GRIK2: variants seen among roughly 807,000 people sequenced by gnomAD.
GRIK2 encodes glutamate ionotropic receptor kainate type subunit 2.
A neutral mutation model predicts 100.3 loss-of-function variants in GRIK2; 32 were observed. The ratio of observed to expected loss-of-function variants is 0.32; its 90% CI spans 0.24 to 0.43. GRIK2 has a LOEUF of 0.43. GRIK2 is among the 20% of genes least tolerant of loss of function. GRIK2 has a pLI of 1.00. For synonymous variants in GRIK2, 417 were observed against 389.4 expected (o/e 1.07, Z -0.83); for missense variants, 843 against 1,114.9 (o/e 0.76, Z 3.47).
chr6:101,785,893 CTG>C (rs1257564617), intron 7 of GRIK2, among the ~76,000 whole-genome samples: 1 of 151,914 alleles, frequency 6.6e-6, no homozygotes, highest in African/African-American at 2.4e-5. Flanking sequence ...TGTGTTGAAT[CTG>C]TAGATTGTTT....
rs555820531 is a variant in GRIK2, at chr6:101,756,655, A to C, written c.952-42993A>C. On this transcript the variant is annotated intron_variant, in intron 7 of 16. Transcript: ENST00000369134. ...AAGTTTATAAGGGCTTGGTATAAAA[A>C]TAAACATTCAAGCGCTCTCTGAAAA... Among the ~76,000 whole-genome samples, 25 of 152,308 alleles carry C rather than the reference A, an allele frequency of 1.6e-4. 2 individuals carry two copies. Among genetic ancestry groups the C allele is most frequent in the African/African-American group, 6.0e-4 (25 of 41,572 alleles).
At chr6:101,943,483 A>G (rs559044125) in intron 14 of GRIK2, among the ~76,000 whole-genome samples, 9 of 152,310 alleles carry the variant, frequency 5.9e-5, no homozygotes, top group African/African-American at 2.2e-4. Flanking sequence ...TGGAAAAGCC[A>G]CAGACACTCA....
intron 2 of GRIK2, among the ~76,000 whole-genome samples, chr6:101,572,811 GTTTATTAT>G (rs1439424625): frequency 0.057 from 6,143 of 106,950 alleles, 491 homozygotes; most frequent in African/African-American, 0.18. Flanking sequence ...TGTTATTGTT[GTTTATTAT>G]TTATTTATTT....
chr6:101,853,181 A>C (rs933784369), intron 10 of GRIK2, among the ~76,000 whole-genome samples: 1 of 152,172 alleles, frequency 6.6e-6, no homozygotes, highest in Non-Finnish European at 1.5e-5. Context: ...GGAAGTTGAA[A>C]AACCTAGGTT....
intron 4 of GRIK2, among the ~76,000 whole-genome samples, chr6:101,641,207 AAT>A (rs1369788863): frequency 2.0e-5 from 3 of 152,194 alleles, no homozygotes; most frequent in African/African-American, 7.2e-5. Context: ...TAAATTTAAA[AAT>A]AGTTTTACTT....
intron 16 of GRIK2, among the ~76,000 whole-genome samples, chr6:102,058,354 C>CTT (rs1771569789): frequency 6.6e-6 from 1 of 151,674 alleles, no homozygotes; most frequent in Non-Finnish European, 1.5e-5. Context: ...ATCTATTTGT[C>CTT]TATCTATTTA....
intron 2 of GRIK2, among the ~76,000 whole-genome samples, chr6:101,455,796 G>C (rs1018552784): frequency 2.0e-5 from 3 of 152,030 alleles, no homozygotes; most frequent in Admixed American, 6.6e-5. Context: ...AGGTTTAGTA[G>C]GAGAGAAAAT....
intron 2 of GRIK2, among the ~76,000 whole-genome samples, chr6:101,415,007 G>GGT (rs3057494): frequency 0.27 from 41,024 of 150,502 alleles, 5,744 homozygotes; most frequent in African/African-American, 0.37. Context: ...TGGTGTGTGG[G>GGT]GTGTGTGTGT....
At chr6:101,591,204 T>TA (rs1370880398) in intron 2 of GRIK2, among the ~76,000 whole-genome samples, 2 of 151,808 alleles carry the variant, frequency 1.3e-5, no homozygotes, top group South Asian at 2.1e-4. Context: ...ATTTTTTTTT[T>TA]AATTTTTCCG....
At chr6:101,483,451 C>T (rs1355984792) in intron 2 of GRIK2, among the ~76,000 whole-genome samples, 1 of 152,136 alleles carries the variant, frequency 6.6e-6, no homozygotes, top group Non-Finnish European at 1.5e-5. Flanking sequence ...CATATTCTTG[C>T]TTATTTATGT....
rs557597725 is a variant in GRIK2, at chr6:101,565,937, A to G, written c.116-56012A>G. Among the ~76,000 whole-genome samples, 526 of 84,194 alleles carry G rather than the reference A, an allele frequency of 6.2e-3. 5 individuals carry two copies. Among genetic ancestry groups the G allele is most frequent in the Non-Finnish European group, 0.01 (347 of 33,294 alleles). The allele number at this position is 84,194 out of a possible 152,430, so 55.2% of individuals were successfully genotyped here. On this transcript the variant is annotated intron_variant, in intron 2 of 16. Coordinates refer to ENST00000369134, the MANE Select transcript of GRIK2 (RefSeq NM_021956.5). ...ATTTTATATATATATATATATGTGT[A>G]TATATATATATATATATATATAAGC...
chr6:101,758,076 A>T (rs545203650), intron 7 of GRIK2, among the ~76,000 whole-genome samples: 2 of 152,232 alleles, frequency 1.3e-5, no homozygotes, highest in East Asian at 3.9e-4. Context: ...AAAAAATACT[A>T]GCCTGGTGTG....
intron 3 of GRIK2, among the ~76,000 whole-genome samples, chr6:101,625,941 G>A (rs1173348703): frequency 1.3e-5 from 2 of 152,122 alleles, no homozygotes; most frequent in African/African-American, 2.4e-5. Flanking sequence ...ATCTGTGTGT[G>A]AGCATAGCTA....
At chr6:101,784,289 C>A (rs1779288446) in intron 7 of GRIK2, among the ~76,000 whole-genome samples, 1 of 152,238 alleles carries the variant, frequency 6.6e-6, no homozygotes, top group Admixed American at 6.5e-5. Context: ...CCAGCTCCAG[C>A]AGTGGCTAAA....
chr6:101,611,004 C>A (rs1313004150), intron 2 of GRIK2, among the ~76,000 whole-genome samples: 3 of 151,656 alleles, frequency 2.0e-5, no homozygotes, highest in Non-Finnish European at 4.4e-5. Flanking sequence ...TCCCAATTTT[C>A]TTCTCAGTGT....
chr6:101,891,622 CTAAT>C (rs1238796593), intron 12 of GRIK2: 1 of 392,168 alleles, frequency 2.5e-6, no homozygotes, highest in Admixed American at 3.4e-5. Context: ...TTATTTTTAC[CTAAT>C]TAGTTAGATA....
At chr6:101,962,002 T>C (rs1792334149) in intron 14 of GRIK2, among the ~76,000 whole-genome samples, 1 of 152,104 alleles carries the variant, frequency 6.6e-6, no homozygotes, top group East Asian at 1.9e-4. Context: ...TGCTTTGCCC[T>C]CAAGAAATTT....
rs559072660 is a variant in GRIK2 at position 101,761,971 on chromosome 6, C to T, written c.952-37677C>T. On this transcript the variant is annotated intron_variant, in intron 7 of 16. Coordinates refer to ENST00000369134, the MANE Select transcript of GRIK2 (RefSeq NM_021956.5). ...CCTTCCTTCCCTTCCTTTCCTTTCC[C>T]CTCCCTTCCTTTCCTTCCTTCCTCC... Among the ~76,000 whole-genome samples the T allele has an allele frequency of 2.8e-4, 21 of 73,954 alleles. 1 individual carries two copies. The highest frequency in any genetic ancestry group is 5.3e-4 in the Admixed American group (4 of 7,502). The allele number at this position is 73,954 out of a possible 152,430, so 48.5% of individuals were successfully genotyped here.
chr6:101,453,553 T>G (rs1770829199), intron 2 of GRIK2, among the ~76,000 whole-genome samples: 1 of 152,018 alleles, frequency 6.6e-6, no homozygotes, highest in South Asian at 2.1e-4. Flanking sequence ...GTGCTTGAAC[T>G]GTCAGAAATA....
Sources: allele counts gnomAD v4.1 joint callset (sites outside exome capture counted in the v4.1 genomes callset), GRCh38; gene constraint gnomAD v4.1.1; transcripts MANE v1.5; gene names NCBI Gene and HGNC (gene_info 2026-07-23, HGNC 2026-07-21).